The following ZNF330 variants were observed in gnomAD, a reference collection of about 807,000 sequenced individuals.
The protein encoded by ZNF330 is zinc finger protein 330.
ZNF330 carries 31 observed loss-of-function variants against 45.5 expected under a neutral mutation model. The observed-to-expected ratio is 0.68, with a 90% CI of 0.51 to 0.92. The LOEUF is 0.92. Among genes scored for constraint, ZNF330 ranks in the 40% least tolerant of loss-of-function variants. The pLI is 0.00. For missense variants in ZNF330, 356 were observed against 387.4 expected, an observed-to-expected ratio of 0.92 and a Z score of 0.68; for synonymous variants, 138 against 123.2, an observed-to-expected ratio of 1.12 and a Z score of -0.79.
chr4:141,231,555 T>G, intron 8 of ZNF330, 70 bp downstream of exon 8: 1 of 1,112,952 alleles, frequency 9.0e-7, no homozygotes, highest in Non-Finnish European at 1.3e-6. Context: ...AGTCCTTGGC[T>G]TATATGCAGC....
In ZNF330 at chr4:141,232,443, A is replaced by G. The variant is rs564897183; in HGVS notation, c.571-82A>G. 7.3e-6 allele frequency: 5 copies of G among 686,662 alleles called. No individual in the cohort carries two copies. The South Asian group carries it at 1.5e-4, about 20-fold the overall frequency. The allele number at this position is 686,662 out of a possible 1,614,324, so 42.5% of individuals were successfully genotyped here. The stretch of plus-strand genomic sequence containing the variant: ...TTAATCTCACTGCCTTAATAAAGCT[A>G]TATCTTTAAAACACTGAATACTGTC... On this transcript the variant is annotated intron_variant, in intron 8 of 9. Transcript: ENST00000262990.
At position 141,230,284 on chromosome 4, in the gene ZNF330, T is replaced by G. The variant is rs985096071; in HGVS notation, c.523+14T>G. The G allele has an allele frequency of 1.3e-6, 2 of 1,525,064 alleles. No homozygotes were observed. The highest frequency in any genetic ancestry group is 1.7e-5 in the Admixed American group (1 of 57,998). The allele number at this position is 1,525,064 out of a possible 1,614,324, so 94.5% of individuals were successfully genotyped here. On this transcript the variant is annotated intron_variant, in intron 7 of 9. Coordinates refer to ENST00000262990, the MANE Select transcript of ZNF330 (RefSeq NM_014487.6). ...AAACATTTAAATGTAAGTTTTTAAG[T>G]ATTAGATGTTCTTTATACCCAAGAT...
intron 4 of ZNF330, among the ~76,000 whole-genome samples, chr4:141,225,499 A>C (rs945080619): frequency 7.2e-6 from 1 of 139,400 alleles, no homozygotes; most frequent in Non-Finnish European, 1.6e-5. Flanking sequence ...TCCCCCCCCA[A>C]CTTTTGATGA....
At chr4:141,221,341 C>T (rs529431117) in intron 1 of ZNF330, among the ~76,000 whole-genome samples, 30 of 152,268 alleles carry the variant, frequency 2.0e-4, no homozygotes, top group African/African-American at 7.0e-4. Context: ...CCGTATAAGG[C>T]TGAGAAGAAG....
At chr4:141,230,802 C>A (rs1439512095) in intron 7 of ZNF330, among the ~76,000 whole-genome samples, 1 of 152,116 alleles carries the variant, frequency 6.6e-6, no homozygotes, top group East Asian at 1.9e-4. Flanking sequence ...TTAACCTATA[C>A]ACAAAATTCT....
chr4:141,225,514 G>A (rs1051459870), intron 4 of ZNF330, among the ~76,000 whole-genome samples: 1 of 145,326 alleles, frequency 6.9e-6, no homozygotes, highest in African/African-American at 2.5e-5. Flanking sequence ...TGATGAACAA[G>A]TATTGCTTTT....
At chr4:141,228,811 T>C (rs959897530) in intron 5 of ZNF330, among the ~76,000 whole-genome samples, 5 of 127,340 alleles carry the variant, frequency 3.9e-5, no homozygotes, top group African/African-American at 1.9e-4. Context: ...TCACCTGTAA[T>C]CCAACTCGGG....
intron 8 of ZNF330, 98 bp downstream of exon 8, chr4:141,231,583 G>A: frequency 3.6e-6 from 3 of 828,888 alleles, no homozygotes; most frequent in Non-Finnish European, 3.7e-6. Context: ...AATTTATAAG[G>A]GACCTTAAAA....
chr4:141,226,600 T>G (rs1423634437), intron 4 of ZNF330, among the ~76,000 whole-genome samples, 167 bp from the exon 5 acceptor site: 3 of 152,156 alleles, frequency 2.0e-5, no homozygotes, highest in Non-Finnish European at 4.4e-5. Context: ...GAAGTCTCAG[T>G]TATATCCATT....
rs1728814116 is a variant in ZNF330 at position 141,226,783 on chromosome 4, G to C, written c.228G>C (p.Met76Ile). The change falls in exon 5 of 10, where the codon ATG becomes ATC. Residue 76 changes from methionine (M) to isoleucine (I), a missense_variant. Met to Ile is a conservative substitution (Grantham distance 10). Coordinates refer to ENST00000262990, the MANE Select transcript of ZNF330 (RefSeq NM_014487.6). Reference protein sequence around the residue: ...ICAQCGKTKCMMKSSDCVIKH... With the variant: ...ICAQCGKTKCIMKSSDCVIKH... ...CTTCATTAGGGAAAACAAAGTGCAT[G>C]ATGAAGTCTTCAGACTGTGTCATAA... The C allele has an allele frequency of 6.2e-7, 1 of 1,612,926 alleles. No homozygotes were observed. The highest frequency in any genetic ancestry group is 1.3e-5 in the African/African-American group (1 of 74,948).
In ZNF330 at chr4:141,224,596, T is replaced by C; in HGVS notation, c.141-11T>C. 8 of 1,613,402 alleles carry C rather than the reference T, an allele frequency of 5.0e-6. No homozygotes were observed. Among genetic ancestry groups the C allele is most frequent in the Non-Finnish European group, 6.8e-6 (8 of 1,179,568 alleles). The stretch of plus-strand genomic sequence containing the variant: ...TTGACCATAATTTAAAATTTTATTT[T>C]ACATGACAAGGCGGCAGAAGAATAG... On this transcript the variant is annotated splice_polypyrimidine_tract_variant and intron_variant, in intron 3 of 9. Coordinates refer to ENST00000262990, the MANE Select transcript of ZNF330 (RefSeq NM_014487.6).
Position 141,232,616 on chromosome 4 carries a change from A to C in ZNF330, c.662A>C (p.Gln221Pro), listed in dbSNP as rs745349297. ...PPCPKCGHETQETKDLSMSTR... is the reference protein window; with the variant it reads ...PPCPKCGHETPETKDLSMSTR... ...TGTCCTAAATGTGGGCATGAAACTC[A>C]GGAGACTAAGGACCTTAGCATGTCA... The change falls in exon 9 of 10, where the codon CAG (glutamine) becomes CCG (proline). Residue 221 changes from glutamine to proline, a missense_variant. Physicochemically the swap from Gln to Pro is moderately conservative, Grantham distance 76. Transcript: ENST00000262990. The C allele has an allele frequency of 3.8e-6, 6 of 1,587,272 alleles. No individual in the cohort carries two copies. The highest frequency in any genetic ancestry group is 5.1e-6 in the Non-Finnish European group (6 of 1,167,280).
intron 4 of ZNF330, 70 bp downstream of exon 4, chr4:141,224,747 G>A: frequency 7.4e-7 from 1 of 1,343,394 alleles, no homozygotes; most frequent in South Asian, 1.2e-5. Context: ...ACTTGGGTGG[G>A]TTTGTTGCTA....
Position 141,222,337 on chromosome 4 carries a change from A to G in ZNF330, c.-6-29A>G, listed in dbSNP as rs1226623488. The G allele has an allele frequency of 2.5e-6, 4 of 1,604,034 alleles. No homozygotes were observed. In the African/African-American group the frequency reaches 5.4e-5, roughly 22 times the overall value. On this transcript the variant is annotated intron_variant, in intron 1 of 9. Transcript: ENST00000262990. ...ATAGTAAATGCAGTCAGTCAATTAT[A>G]TCTTTTCTGTTCTCTTGTGTCAAAA...
intron 2 of ZNF330, chr4:141,223,868 A>T (rs1728742232): frequency 4.5e-6 from 2 of 449,176 alleles, no homozygotes; most frequent in African/African-American, 4.0e-5. Flanking sequence ...GGCACTTTTC[A>T]GGGAAAAGTG....
In ZNF330 at chr4:141,233,925, C is replaced by T; in HGVS notation, c.899C>T (p.Thr300Ile). 1.9e-6 allele frequency: 3 copies of T among 1,613,704 alleles called. No homozygotes were observed. The East Asian group carries it at 6.7e-5, about 36-fold the overall frequency. Residue 300 changes from threonine (T) to isoleucine (I), a missense_variant, in exon 10 of 10, where the codon ACT (threonine) becomes ATT (isoleucine). By Grantham distance (89) the Thr-to-Ile change is moderately conservative. Transcript: ENST00000262990. Reference protein sequence around the residue: ...DSDTESSDLFTNLNLGRTYAS... With the variant: ...DSDTESSDLFINLNLGRTYAS... ...GATACTGAGTCATCAGATTTGTTTA[C>T]TAATTTGAATTTAGGAAGGACCTAT...
chr4:141,223,803 G>A (rs1433434394), intron 2 of ZNF330: 1 of 455,986 alleles, frequency 2.2e-6, no homozygotes, highest in African/African-American at 2.0e-5. Flanking sequence ...GTGTGTGGAA[G>A]GGGTACACTT....
chr4:141,233,638 T>C (rs1729011107), intron 9 of ZNF330, 77 bp from the exon 10 acceptor site: 4 of 1,470,926 alleles, frequency 2.7e-6, no homozygotes, highest in African/African-American at 1.4e-5. Flanking sequence ...ATGAAATCCA[T>C]GAAATTTTAT....
At chr4:141,232,763 CTTTT>C (rs2111260895) in intron 9 of ZNF330, 121 bp downstream of exon 9, 1 of 484,560 alleles carries the variant, frequency 2.1e-6, no homozygotes, top group East Asian at 3.4e-5. Flanking sequence ...TGAATGTGTT[CTTTT>C]AAGCAAGTGG....
Sources: allele counts gnomAD v4.1 joint callset (sites outside exome capture counted in the v4.1 genomes callset), GRCh38; gene constraint gnomAD v4.1.1; transcripts MANE v1.5; gene names NCBI Gene and HGNC (gene_info 2026-07-23, HGNC 2026-07-21).